Variants in NEGR1 observed in about 807,000 individuals in gnomAD.
NEGR1 encodes IgLON family member 4.
Under a neutral mutation model 40.9 loss-of-function variants are expected in NEGR1, and 10 were observed. The observed-to-expected ratio is 0.24, with a 90% confidence interval of 0.15 to 0.42. The LOEUF (loss-of-function observed/expected upper bound fraction) is 0.42, where lower values mean the gene tolerates loss of function less well. Among genes scored for constraint, NEGR1 ranks in the 10% least tolerant of loss-of-function variants. The pLI is 1.00. For missense variants in NEGR1, 352 were observed against 438.9 expected, an observed-to-expected ratio of 0.80 and a Z score of 1.77; for synonymous variants, 185 against 166.8, an observed-to-expected ratio of 1.11 and a Z score of -0.84.
intron 1 of NEGR1, among the ~76,000 whole-genome samples, chr1:71,939,233 A>G (rs919269223): frequency 6.6e-6 from 1 of 152,110 alleles, no homozygotes; most frequent in Non-Finnish European, 1.5e-5. Flanking sequence ...TCATTAAATG[A>G]CCTAATGTAT....
intron 3 of NEGR1, among the ~76,000 whole-genome samples, chr1:71,716,263 C>T (rs1225519356): frequency 6.6e-6 from 1 of 152,050 alleles, no homozygotes; most frequent in African/African-American, 2.4e-5. Flanking sequence ...CTCGCCCTTG[C>T]TACATGGAGA....
chr1:72,029,605 A>G (rs919999147), intron 1 of NEGR1, among the ~76,000 whole-genome samples: 2 of 152,222 alleles, frequency 1.3e-5, no homozygotes, highest in African/African-American at 4.8e-5. Context: ...ATTGAAAATC[A>G]TGGACTTTTA....
chr1:71,497,330 CAT>C (rs1241600756), intron 6 of NEGR1, among the ~76,000 whole-genome samples: 4 of 152,116 alleles, frequency 2.6e-5, no homozygotes, highest in South Asian at 2.1e-4. Context: ...AATTATACCA[CAT>C]ATGTGTGTAT....
intron 1 of NEGR1, among the ~76,000 whole-genome samples, chr1:71,973,306 A>T (rs947250443): frequency 1.2e-4 from 17 of 142,240 alleles, no homozygotes; most frequent in African/African-American, 4.7e-4. Context: ...ACAGAGCGAG[A>T]CTCCAACTCA....
At chr1:71,779,539 G>A (rs1276494714) in intron 2 of NEGR1, among the ~76,000 whole-genome samples, 1 of 150,832 alleles carries the variant, frequency 6.6e-6, no homozygotes, top group African/African-American at 2.4e-5. Context: ...AGGTTATTGA[G>A]TGCAGACTAT....
intron 3 of NEGR1, among the ~76,000 whole-genome samples, chr1:71,761,336 T>A (rs6692267): frequency 0.38 from 57,217 of 151,902 alleles, 11,151 homozygotes; most frequent in East Asian, 0.61. Context: ...AATCTTTACT[T>A]ACAAAAAAGA....
intron 3 of NEGR1, among the ~76,000 whole-genome samples, chr1:71,707,744 TG>T (rs941874663): frequency 2.6e-5 from 4 of 152,094 alleles, no homozygotes; most frequent in Non-Finnish European, 5.9e-5. Flanking sequence ...ATCATAGTGG[TG>T]GTGGCCACAG....
chr1:71,642,513 A>G (rs1651386861), intron 4 of NEGR1, among the ~76,000 whole-genome samples: 1 of 151,904 alleles, frequency 6.6e-6, no homozygotes, highest in Non-Finnish European at 1.5e-5. Flanking sequence ...CTCAAAGATG[A>G]TCTCACAATC....
At chr1:71,454,291 T>C (rs911212661) in intron 6 of NEGR1, among the ~76,000 whole-genome samples, 1 of 152,198 alleles carries the variant, frequency 6.6e-6, no homozygotes, top group African/African-American at 2.4e-5. Context: ...TTAGAGCTTA[T>C]GGTGACTTTG....
chr1:72,132,876 G>C (rs1310522412), intron 1 of NEGR1, among the ~76,000 whole-genome samples: 2 of 152,068 alleles, frequency 1.3e-5, no homozygotes, highest in Admixed American at 1.3e-4. Context: ...GAGTAGAGTT[G>C]AATGATTTTT....
At chr1:71,846,887 C>T (rs1485938761) in intron 2 of NEGR1, among the ~76,000 whole-genome samples, 1 of 152,134 alleles carries the variant, frequency 6.6e-6, no homozygotes, top group Non-Finnish European at 1.5e-5. Flanking sequence ...TCCTAAAAGA[C>T]CCATCTCTTG....
intron 1 of NEGR1, among the ~76,000 whole-genome samples, chr1:72,102,518 C>T (rs1281391288): frequency 6.6e-6 from 1 of 151,960 alleles, no homozygotes; most frequent in African/African-American, 2.4e-5. Flanking sequence ...ATGAACTACT[C>T]ATACTGGGAA....
At chr1:72,199,037 G>A (rs1653102801) in intron 1 of NEGR1, among the ~76,000 whole-genome samples, 1 of 151,770 alleles carries the variant, frequency 6.6e-6, no homozygotes, top group South Asian at 2.1e-4. Context: ...CTAAGCCTCA[G>A]AATTTATCTG....
intron 6 of NEGR1, among the ~76,000 whole-genome samples, chr1:71,419,626 T>C (rs1187040028): frequency 6.6e-6 from 1 of 152,204 alleles, no homozygotes; most frequent in African/African-American, 2.4e-5. Context: ...GTTTCTGCTA[T>C]ACCAGCAGCA....
chr1:71,910,500 T>C (rs1267091691), intron 2 of NEGR1, among the ~76,000 whole-genome samples: 1 of 152,230 alleles, frequency 6.6e-6, no homozygotes, highest in Non-Finnish European at 1.5e-5. Flanking sequence ...ATGCTGATGC[T>C]GCTAGAGTGT....
At chr1:71,770,829 G>A (rs890546449) in intron 3 of NEGR1, among the ~76,000 whole-genome samples, 2 of 152,192 alleles carry the variant, frequency 1.3e-5, no homozygotes, top group Non-Finnish European at 2.9e-5. Flanking sequence ...TGGAAAAATA[G>A]GAGCACTTTT....
At chr1:72,166,734 T>C (rs1651779592) in intron 1 of NEGR1, among the ~76,000 whole-genome samples, 3 of 152,000 alleles carry the variant, frequency 2.0e-5, no homozygotes, top group Admixed American at 2.0e-4. Context: ...CAGAGAGTAT[T>C]ATTATGGTTA....
At chr1:72,046,395 A>T (rs867505414) in intron 1 of NEGR1, among the ~76,000 whole-genome samples, 2 of 151,664 alleles carry the variant, frequency 1.3e-5, no homozygotes, top group African/African-American at 2.4e-5. Context: ...AAGTATACAA[A>T]GAAAAATAAA....
chr1:71,757,029 C>T (rs1323947285), intron 3 of NEGR1, among the ~76,000 whole-genome samples: 2 of 151,952 alleles, frequency 1.3e-5, no homozygotes, highest in African/African-American at 2.4e-5. Context: ...GAAACAGAGC[C>T]TTAGACAAAA....
Sources: allele counts gnomAD v4.1 joint callset (sites outside exome capture counted in the v4.1 genomes callset), GRCh38; gene constraint gnomAD v4.1.1; transcripts MANE v1.5; gene names NCBI Gene and HGNC (gene_info 2026-07-23, HGNC 2026-07-21).